The following ARL17B variants were observed in gnomAD, a reference collection of about 807,000 sequenced individuals.
ARL17B encodes the protein ADP-ribosylation factor-like protein 17.
chr17:46,275,524 T>C, intron 4 of ARL17B: 1 of 579,814 alleles, frequency 1.7e-6, no homozygotes, highest in Non-Finnish European at 3.1e-6. Flanking sequence ...GCCATGTTCT[T>C]TCATTCACCC....
chr17:46,275,244 CT>C (rs2049555227), exon 5 of ARL17B: 1 of 409,864 alleles, frequency 2.4e-6, no homozygotes, highest in African/African-American at 2.3e-5. Context: ...TATAATTGGA[CT>C]GTTATGACCA....
intron 4 of ARL17B, among the ~76,000 whole-genome samples, chr17:46,283,455 C>T (rs1265633827): frequency 1.3e-5 from 2 of 152,200 alleles, no homozygotes; most frequent in East Asian, 3.9e-4. Flanking sequence ...TTTAAGATTC[C>T]CAGTTGAGTC....
At chr17:46,317,185 AT>A in intron 3 of ARL17B, among the ~76,000 whole-genome samples, 1 of 79,632 alleles carries the variant, frequency 1.3e-5, no homozygotes, top group Non-Finnish European at 3.8e-5. Context: ...CCAGACGGGC[AT>A]GCCCAGTTAG....
At chr17:46,290,879 A>G (rs578109411) in intron 4 of ARL17B, among the ~76,000 whole-genome samples, 193 of 152,346 alleles carry the variant, frequency 1.3e-3, no homozygotes, top group Admixed American at 2.5e-3. Flanking sequence ...GCCTAAAGGT[A>G]AGGTCCATCT....
At chr17:46,284,732 A>G (rs1342211335) in intron 4 of ARL17B, among the ~76,000 whole-genome samples, 5 of 152,226 alleles carry the variant, frequency 3.3e-5, no homozygotes, top group Non-Finnish European at 1.5e-5. Context: ...CAGCTGATTA[A>G]TGATGAGGTG....
At chr17:46,315,371 T>G (rs1368938841) in intron 3 of ARL17B, among the ~76,000 whole-genome samples, 212 of 133,232 alleles carry the variant, frequency 1.6e-3, no homozygotes, top group African/African-American at 5.3e-3. Flanking sequence ...CAAAAAAAAT[T>G]TAAAAGTTAG....
chr17:46,276,184 G>C (rs2049582440), intron 4 of ARL17B, among the ~76,000 whole-genome samples: 1 of 152,086 alleles, frequency 6.6e-6, no homozygotes, highest in African/African-American at 2.4e-5. Flanking sequence ...AGCCACCAAG[G>C]CTGGCCTCAC....
At chr17:46,288,591 C>A (rs1196116060) in intron 4 of ARL17B, among the ~76,000 whole-genome samples, 1 of 151,064 alleles carries the variant, frequency 6.6e-6, no homozygotes, top group Non-Finnish European at 1.5e-5. Context: ...AGCCACAGGG[C>A]CCAGCCTCTT....
chr17:46,282,978 G>A (rs1380593515), intron 4 of ARL17B, among the ~76,000 whole-genome samples: 1 of 151,956 alleles, frequency 6.6e-6, no homozygotes, highest in Admixed American at 6.6e-5. Flanking sequence ...AATTAGTCGG[G>A]TGTGATGGCA....
chr17:46,285,700 A>T (rs1200031955), intron 4 of ARL17B, among the ~76,000 whole-genome samples: 1 of 152,234 alleles, frequency 6.6e-6, no homozygotes, highest in Non-Finnish European at 1.5e-5. Context: ...GTGTGGGGAT[A>T]TGGTAAAGCT....
At chr17:46,280,753 T>C (rs2049741094) in intron 4 of ARL17B, among the ~76,000 whole-genome samples, 2 of 152,158 alleles carry the variant, frequency 1.3e-5, no homozygotes, top group African/African-American at 2.4e-5. Context: ...ATTGTATTTT[T>C]AGTAGGGACG....
chr17:46,285,836 A>C (rs1480651566), intron 4 of ARL17B, among the ~76,000 whole-genome samples: 1 of 152,230 alleles, frequency 6.6e-6, no homozygotes, highest in East Asian at 1.9e-4. Context: ...AAATCCTAGA[A>C]ATGCTTCCAA....
chr17:46,326,870 CTGAA>C (rs1293759321), intron 3 of ARL17B, among the ~76,000 whole-genome samples: 1 of 58,422 alleles, frequency 1.7e-5, no homozygotes, highest in Non-Finnish European at 4.1e-5. Flanking sequence ...TTTTATCTCT[CTGAA>C]AGTGCCCCCA....
At chr17:46,279,528 G>A (rs1320169907) in intron 4 of ARL17B, among the ~76,000 whole-genome samples, 9 of 146,042 alleles carry the variant, frequency 6.2e-5, no homozygotes, top group Non-Finnish European at 1.0e-4. Flanking sequence ...TTGAGATAGG[G>A]TCTTGTTGTG....
intron 4 of ARL17B, among the ~76,000 whole-genome samples, chr17:46,282,483 T>C (rs891730399): frequency 2.7e-5 from 4 of 150,564 alleles, no homozygotes; most frequent in Non-Finnish European, 4.4e-5. Flanking sequence ...GGCTCGATCA[T>C]AGTTCACTGC....
At chr17:46,287,118 G>A (rs1383988161) in intron 4 of ARL17B, among the ~76,000 whole-genome samples, 1 of 152,200 alleles carries the variant, frequency 6.6e-6, no homozygotes, top group Non-Finnish European at 1.5e-5. Context: ...TTCTACCCCT[G>A]GCAAACTCCA....
intron 4 of ARL17B, among the ~76,000 whole-genome samples, chr17:46,288,255 C>A (rs1002028896): frequency 5.7e-4 from 86 of 152,032 alleles, no homozygotes; most frequent in African/African-American, 2.0e-3. Context: ...GATCCTCCCA[C>A]CTCAGCCTCC....
intron 4 of ARL17B, among the ~76,000 whole-genome samples, chr17:46,280,920 T>C (rs74606758): frequency 0.11 from 16,622 of 151,950 alleles, 863 homozygotes; most frequent in East Asian, 0.27. Context: ...AAGGGTACCC[T>C]GAGTCCTTAC....
intron 4 of ARL17B, among the ~76,000 whole-genome samples, chr17:46,275,808 C>T (rs2049570767): frequency 1.3e-5 from 2 of 151,956 alleles, no homozygotes; most frequent in Admixed American, 1.3e-4. Flanking sequence ...AAAAATTATG[C>T]TAAAACAAAA....
Sources: allele counts gnomAD v4.1 joint callset (sites outside exome capture counted in the v4.1 genomes callset), GRCh38; gene constraint gnomAD v4.1.1; transcripts MANE v1.5; gene names NCBI Gene and HGNC (gene_info 2026-07-23, HGNC 2026-07-21).